CSE1L: variants seen among roughly 807,000 people sequenced by gnomAD.
CSE1L encodes exportin-2.
Under a neutral mutation model 120.4 loss-of-function variants are expected in CSE1L, and 24 were observed. The observed-to-expected ratio is 0.20, with a 90% CI of 0.14 to 0.28. The LOEUF is 0.28. Among genes scored for constraint, CSE1L ranks in the 10% least tolerant of loss-of-function variants. The pLI, the probability that CSE1L is intolerant of heterozygous loss-of-function variation, is 1.00. For synonymous variants in CSE1L, 402 were observed against 398.3 expected, an observed-to-expected ratio of 1.01 and a Z score of -0.11; for missense variants, 830 against 1,145.2, an observed-to-expected ratio of 0.72 and a Z score of 3.97.
At chr20:49,068,661 C>T in intron 6 of CSE1L, 54 bp from the exon 7 acceptor site, 1 of 1,153,936 alleles carries the variant, frequency 8.7e-7, no homozygotes. Flanking sequence ...TCACTAAGAT[C>T]AGCATGCTGG....
chr20:49,078,442 TTAAC>T (rs1196794793), intron 13 of CSE1L, 115 bp from the exon 14 acceptor site: 3 of 663,862 alleles, frequency 4.5e-6, no homozygotes, highest in Admixed American at 3.2e-5. Context: ...CATAATATAA[TTAAC>T]TGTGCTTTAA....
intron 24 of CSE1L, among the ~76,000 whole-genome samples, chr20:49,096,007 GT>G (rs1314363057): frequency 6.6e-6 from 1 of 152,142 alleles, no homozygotes; most frequent in Non-Finnish European, 1.5e-5. Flanking sequence ...TATCTTGCCA[GT>G]TTTGTTTCGT....
At chr20:49,096,160 T>C (rs1186190329) in intron 24 of CSE1L, 189 bp from the exon 25 acceptor site, 3 of 703,280 alleles carry the variant, frequency 4.3e-6, no homozygotes, top group East Asian at 2.7e-5. Context: ...TAATTCCTTA[T>C]GGATCTTTTC....
intron 15 of CSE1L, among the ~76,000 whole-genome samples, chr20:49,084,872 C>G (rs1050772685): frequency 3.9e-5 from 6 of 152,108 alleles, no homozygotes; most frequent in African/African-American, 1.4e-4. Flanking sequence ...GAAAGGACAT[C>G]CTTTGAGGTG....
At chr20:49,093,581 C>CT (rs34055967) in intron 22 of CSE1L, among the ~76,000 whole-genome samples, 30 of 87,474 alleles carry the variant, frequency 3.4e-4, no homozygotes, top group Admixed American at 8.1e-4. Context: ...TTTTTTTTTT[C>CT]TTTTTTTTTT....
intron 14 of CSE1L, among the ~76,000 whole-genome samples, chr20:49,079,533 C>T (rs1254087622): frequency 2.0e-5 from 3 of 151,902 alleles, no homozygotes. Context: ...TGGCCTCTAC[C>T]CTTTCTTATG....
chr20:49,092,535 G>A (rs886537971), intron 22 of CSE1L, among the ~76,000 whole-genome samples: 1 of 151,882 alleles, frequency 6.6e-6, no homozygotes, highest in African/African-American at 2.4e-5. Context: ...GTCTCCAGGA[G>A]CCTGCCTTAT....
At position 49,072,340 on chromosome 20, in the gene CSE1L, G is replaced by A. The variant is rs1305555758; in HGVS notation, c.823G>A (p.Ala275Thr). Reference protein sequence around the residue: ...ELLKSQICDNAALYAQKYDEE... With the variant: ...ELLKSQICDNTALYAQKYDEE... ...CTTAAAATCCCAGATTTGTGATAAT[G>A]CCGCACTCTATGCACAAAAGTACGA... Residue 275 changes from alanine to threonine, a missense_variant, in exon 9 of 25, where the codon GCC (alanine) becomes ACC (threonine). By Grantham distance (58) the Ala-to-Thr change is moderately conservative. Coordinates refer to ENST00000262982, the MANE Select transcript of CSE1L (RefSeq NM_001316.4). 1.2e-6 allele frequency: 2 copies of A among 1,614,116 alleles called. No homozygotes were observed. Among genetic ancestry groups the A allele is most frequent in the Admixed American group, 1.7e-5 (1 of 60,006 alleles).
intron 19 of CSE1L, 94 bp downstream of exon 19, chr20:49,089,840 T>C: frequency 8.1e-7 from 1 of 1,235,348 alleles, no homozygotes. Context: ...TAAAATAAAT[T>C]TAAGGCTGGG....
chr20:49,083,465 A>G (rs987560895), intron 14 of CSE1L, among the ~76,000 whole-genome samples: 5 of 151,946 alleles, frequency 3.3e-5, no homozygotes, highest in East Asian at 1.9e-4. Context: ...AGGTCTCACT[A>G]TGTTGCCCAG....
rs575809871 is a variant in CSE1L, at chr20:49,079,228, A to T, written c.1482+606A>T. Among the ~76,000 whole-genome samples the T allele has an allele frequency of 4.1e-3, 579 of 142,834 alleles. 2 individuals are homozygous for T. The highest frequency in any genetic ancestry group is 5.7e-3 in the African/African-American group (217 of 38,194). The allele number at this position is 142,834 out of a possible 152,430, so 93.7% of individuals were successfully genotyped here. ...CCTTTTATTTATTTATTTAAAAAAA[A>T]TTTTTTTTTATTTTTTTGAGACGGA... On this transcript the variant is annotated intron_variant, in intron 14 of 24. Transcript: ENST00000262982.
At chr20:49,089,055 CTG>C (rs1389773642) in intron 17 of CSE1L, among the ~76,000 whole-genome samples, 190 bp from the exon 18 acceptor site, 1 of 151,986 alleles carries the variant, frequency 6.6e-6, no homozygotes, top group East Asian at 1.9e-4. Context: ...CTCTGTAACT[CTG>C]AAGTATTTTT....
chr20:49,056,835 T>C (rs1182929823), intron 1 of CSE1L, among the ~76,000 whole-genome samples: 1 of 149,598 alleles, frequency 6.7e-6, no homozygotes, highest in Non-Finnish European at 1.5e-5. Flanking sequence ...AATTAACATA[T>C]TACTTCACAT....
At chr20:49,052,072 T>A (rs1489871512) in intron 1 of CSE1L, among the ~76,000 whole-genome samples, 1 of 152,222 alleles carries the variant, frequency 6.6e-6, no homozygotes. Flanking sequence ...AGTTGGTCAT[T>A]TGTTCATCTG....
At chr20:49,049,214 C>G (rs2091745278) in intron 1 of CSE1L, among the ~76,000 whole-genome samples, 1 of 151,832 alleles carries the variant, frequency 6.6e-6, no homozygotes, top group African/African-American at 2.4e-5. Flanking sequence ...AAAATGAATT[C>G]TTATCTTCTC....
At position 49,075,447 on chromosome 20, in the gene CSE1L, C is replaced by G; in HGVS notation, c.1262C>G (p.Ser421Cys). 1 of 1,614,136 alleles carries G rather than the reference C, an allele frequency of 6.2e-7. No individual in the cohort carries two copies. Among genetic ancestry groups the G allele is most frequent in the Non-Finnish European group, 8.5e-7 (1 of 1,180,018 alleles). ...SMLQEYAKNP[S>C]VNWKHKDAAI... is the part of the protein sequence containing the mutation. ...CTGCAGGAATACGCAAAAAATCCAT[C>G]TGTCAACTGGAAACACAAAGATGCA... The change falls in exon 12 of 25, where the codon TCT (serine) becomes TGT (cysteine). Residue 421 changes from serine (S) to cysteine (C), a missense_variant. By Grantham distance (112) the Ser-to-Cys change is moderately radical (BLOSUM62 -1). Transcript: ENST00000262982.
chr20:49,080,321 C>T (rs1016429164), intron 14 of CSE1L, among the ~76,000 whole-genome samples: 3 of 142,878 alleles, frequency 2.1e-5, no homozygotes, highest in Non-Finnish European at 4.5e-5. Context: ...TCACGCCATT[C>T]TCCTGCCTCA....
intron 3 of CSE1L, among the ~76,000 whole-genome samples, chr20:49,064,063 ACAT>A (rs1257179989): frequency 2.6e-5 from 4 of 152,266 alleles, no homozygotes; most frequent in African/African-American, 9.6e-5. Context: ...ATATTTGGAG[ACAT>A]CATAGCTGGA....
At chr20:49,047,701 C>T (rs2091730682) in intron 1 of CSE1L, among the ~76,000 whole-genome samples, 1 of 150,752 alleles carries the variant, frequency 6.6e-6, no homozygotes, top group East Asian at 1.9e-4. Flanking sequence ...CTCAGCCTCC[C>T]GAATAGCTGA....
Sources: allele counts gnomAD v4.1 joint callset (sites outside exome capture counted in the v4.1 genomes callset), GRCh38; gene constraint gnomAD v4.1.1; transcripts MANE v1.5; gene names NCBI Gene and HGNC (gene_info 2026-07-23, HGNC 2026-07-21).